The following THSD4 variants were observed in gnomAD, a reference collection of about 807,000 sequenced individuals.
THSD4 encodes the protein thrombospondin type 1 domain containing 4, also known as thrombospondin type-1 domain-containing protein 4.
Under a neutral mutation model 119.0 loss-of-function variants are expected in THSD4, and 69 were observed. The ratio of observed to expected loss-of-function variants is 0.58; its 90% CI spans 0.48 to 0.71. The LOEUF is 0.71. Ranked by LOEUF, THSD4 falls within the 30% of genes least tolerant of loss-of-function variation. The pLI is 0.00. For missense variants in THSD4, 1,393 were observed against 1,391.1 expected (o/e 1.00, Z -0.02); for synonymous variants, 524 against 540.4 (o/e 0.97, Z 0.42).
At chr15:71,686,437 G>A (rs1333227449) in intron 8 of THSD4, among the ~76,000 whole-genome samples, 2 of 152,166 alleles carry the variant, frequency 1.3e-5, no homozygotes, top group Non-Finnish European at 2.9e-5. Context: ...AGACAAAAAA[G>A]GACAGCTGTT....
chr15:71,272,677 G>A (rs777865412), intron 6 of THSD4, among the ~76,000 whole-genome samples: 4 of 151,788 alleles, frequency 2.6e-5, no homozygotes, highest in Admixed American at 1.3e-4. Flanking sequence ...GCTTGGCCAC[G>A]TAGTGAAGCC....
chr15:71,301,196 C>T (rs2044944092), intron 6 of THSD4, among the ~76,000 whole-genome samples: 1 of 152,154 alleles, frequency 6.6e-6, no homozygotes, highest in African/African-American at 2.4e-5. Context: ...TTTCACCACT[C>T]AGAAATAACT....
intron 6 of THSD4, among the ~76,000 whole-genome samples, chr15:71,260,119 T>C (rs537969993): frequency 1.3e-5 from 2 of 152,298 alleles, no homozygotes; most frequent in African/African-American, 4.8e-5. Flanking sequence ...AGGTCTAATA[T>C]TGATAGCCCT....
At chr15:71,720,163 G>T (rs1035779281) in intron 8 of THSD4, among the ~76,000 whole-genome samples, 1 of 149,474 alleles carries the variant, frequency 6.7e-6, no homozygotes. Context: ...GGATCCTCTC[G>T]CCTCAGCCTC....
chr15:71,271,279 A>G (rs534142127), intron 6 of THSD4, among the ~76,000 whole-genome samples: 11 of 152,350 alleles, frequency 7.2e-5, no homozygotes, highest in Middle Eastern at 3.4e-3. Context: ...ACAATGGAGT[A>G]TTACTCAAAG....
At chr15:71,464,082 A>G (rs891576984) in intron 7 of THSD4, among the ~76,000 whole-genome samples, 15 of 152,172 alleles carry the variant, frequency 9.9e-5, no homozygotes, top group African/African-American at 3.6e-4. Context: ...CTAGTTGTCC[A>G]GCCTTCTGCA....
intron 2 of THSD4, 148 bp downstream of exon 2, chr15:71,141,704 G>T (rs1001306289): frequency 1.7e-5 from 17 of 997,452 alleles, no homozygotes; most frequent in Admixed American, 2.7e-5. Context: ...GTAAAAGTTT[G>T]CTATTCAGAA....
At position 71,781,010 on chromosome 15, in the gene THSD4, CATAAAT is replaced by C. The variant is rs778165558; in HGVS notation, c.*3641_*3646del. ...ATATCAATTCTAATGAGGAGGAAGACATAAATATAAGTGGTAAAAAGAAACATGACT... is the reference window on the plus strand; with the variant it reads ...ATATCAATTCTAATGAGGAGGAAGACATAAGTGGTAAAAAGAAACATGACT... On this transcript the variant is annotated 3_prime_UTR_variant, in exon 18 of 18. Coordinates refer to ENST00000261862, the MANE Select transcript of THSD4 (RefSeq NM_024817.3). 5 of 333,248 alleles carry C rather than the reference CATAAAT, an allele frequency of 1.5e-5. No homozygotes were observed. The highest frequency in any genetic ancestry group is 6.4e-5 in the African/African-American group (3 of 46,570). 20.6% of individuals were successfully genotyped at this position (333,248 alleles called of 1,614,324 possible).
intron 7 of THSD4, among the ~76,000 whole-genome samples, chr15:71,560,706 G>T (rs1201007784): frequency 6.6e-6 from 1 of 152,064 alleles, no homozygotes; most frequent in Non-Finnish European, 1.5e-5. Context: ...TTCTCTGTGT[G>T]GGTATGCTCT....
chr15:71,346,682 T>G (rs1053051836), intron 6 of THSD4, among the ~76,000 whole-genome samples: 6 of 152,168 alleles, frequency 3.9e-5, no homozygotes, highest in African/African-American at 1.4e-4. Flanking sequence ...ACAATAAATG[T>G]ACCTGTTGCT....
intron 2 of THSD4, among the ~76,000 whole-genome samples, chr15:71,151,533 C>T (rs1395930662): frequency 6.6e-6 from 1 of 152,138 alleles, no homozygotes; most frequent in East Asian, 1.9e-4. Flanking sequence ...ATACAATTCC[C>T]ATTTTACAGA....
chr15:71,527,708 CTTTTTTTTTT>C (rs10635101), intron 7 of THSD4, among the ~76,000 whole-genome samples: 5 of 79,748 alleles, frequency 6.3e-5, no homozygotes, highest in African/African-American at 2.0e-4. Context: ...TGTTTATCCT[CTTTTTTTTTT>C]TTTTTTTTTT....
In THSD4 at chr15:71,418,499, A is replaced by G. The variant is rs77269720; in HGVS notation, c.1152+6676A>G. Among the ~76,000 whole-genome samples, 984 of 109,168 alleles carry G rather than the reference A, an allele frequency of 9.0e-3. 280 individuals are homozygous for G. The highest frequency in any genetic ancestry group is 0.029 in the African/African-American group (937 of 32,260). The allele number at this position is 109,168 out of a possible 152,430, so 71.6% of individuals were successfully genotyped here. A position where few individuals can be genotyped will look rare whatever the true frequency, so the allele number is the denominator to read the frequency against. On this transcript the variant is annotated intron_variant, in intron 7 of 17. Transcript: ENST00000261862. The stretch of plus-strand genomic sequence containing the variant: ...TGAATTTTATCAAATGCTTTTATTG[A>G]CATCAATTGAAAGGTCATATGGTTT...
At chr15:71,682,671 C>T (rs1252200984) in intron 8 of THSD4, among the ~76,000 whole-genome samples, 22 of 150,254 alleles carry the variant, frequency 1.5e-4, no homozygotes, top group Admixed American at 1.4e-3. Context: ...ATTTTACAAA[C>T]CAATTTGTTG....
intron 7 of THSD4, among the ~76,000 whole-genome samples, chr15:71,507,781 A>C (rs986353177): frequency 6.6e-6 from 1 of 152,222 alleles, no homozygotes; most frequent in African/African-American, 2.4e-5. Flanking sequence ...CAGGTATCAG[A>C]AAGCCACATG....
At chr15:71,467,501 C>G (rs938601768) in intron 7 of THSD4, among the ~76,000 whole-genome samples, 2 of 152,290 alleles carry the variant, frequency 1.3e-5, no homozygotes, top group East Asian at 3.9e-4. Context: ...TCTCAGCAAG[C>G]AAGGCCTGTT....
intron 6 of THSD4, among the ~76,000 whole-genome samples, chr15:71,402,919 A>G (rs1008169315): frequency 1.3e-5 from 2 of 152,170 alleles, no homozygotes; most frequent in Non-Finnish European, 1.5e-5. Context: ...CTACTTTTCT[A>G]TATGTACTTC....
rs190380196 is a variant in THSD4, at chr15:71,365,705, C to G, written c.1016-45982C>G. Among the ~76,000 whole-genome samples, 114 of 152,262 alleles carry G rather than the reference C, an allele frequency of 7.5e-4. 1 individual carries two copies. The highest frequency in any genetic ancestry group is 2.6e-3 in the African/African-American group (110 of 41,542). On this transcript the variant is annotated intron_variant, in intron 6 of 17. Transcript: ENST00000261862. ...TCCAACCCACCAACTGAACAGGAAA[C>G]TCATGGGATGTAGCTACAAGCAACT...
chr15:71,303,992 C>T (rs1284160974), intron 6 of THSD4, among the ~76,000 whole-genome samples: 1 of 152,106 alleles, frequency 6.6e-6, no homozygotes, highest in Non-Finnish European at 1.5e-5. Flanking sequence ...GATCAGAGGG[C>T]AAGAAGTCGA....
Sources: allele counts gnomAD v4.1 joint callset (sites outside exome capture counted in the v4.1 genomes callset), GRCh38; gene constraint gnomAD v4.1.1; transcripts MANE v1.5; gene names NCBI Gene and HGNC (gene_info 2026-07-23, HGNC 2026-07-21).